PCNX1: variants seen among roughly 807,000 people sequenced by gnomAD.
PCNX1 encodes the protein pecanex-like protein 1.
In PCNX1, 78 loss-of-function variants were observed where a neutral mutation model predicts 242.2. That is an observed-to-expected ratio of 0.32 (90% confidence interval 0.27 to 0.39). The LOEUF (loss-of-function observed/expected upper bound fraction) is 0.39. Among genes scored for constraint, PCNX1 ranks in the 10% least tolerant of loss-of-function variants. The pLI is 1.00. For synonymous variants in PCNX1, 1,024 were observed against 1,032.9 expected, an observed-to-expected ratio of 0.99 and a Z score of 0.17; for missense variants, 2,581 against 2,856.5, an observed-to-expected ratio of 0.90 and a Z score of 2.20.
Position 71,105,330 on chromosome 14 carries a change from C to T in PCNX1, c.6191C>T (p.Thr2064Ile). ...ACTTCCTGCACTGGTAACAATGCAA[C>T]AACTGCCAACAATCCCCACAGCAAC... ...GGTSCTGNNA[T>I]TANNPHSNVT... Residue 2064 changes from threonine (T) to isoleucine (I), a missense_variant, in exon 33 of 36, where the codon ACA becomes ATA. Transcript: ENST00000304743. The T allele has an allele frequency of 1.2e-6, 2 of 1,613,950 alleles. No homozygotes were observed. Among genetic ancestry groups the T allele is most frequent in the East Asian group, 2.2e-5 (1 of 44,878 alleles).
At chr14:71,105,975 A>AT (rs1255586610) in intron 33 of PCNX1, among the ~76,000 whole-genome samples, 1 of 149,804 alleles carries the variant, frequency 6.7e-6, no homozygotes, top group Non-Finnish European at 1.5e-5. Flanking sequence ...ACATTTTAAT[A>AT]TATTAAGGAT....
intron 1 of PCNX1, among the ~76,000 whole-genome samples, chr14:70,941,737 T>C (rs1417460007): frequency 3.9e-5 from 6 of 152,242 alleles, no homozygotes; most frequent in African/African-American, 1.4e-4. Flanking sequence ...AGGTGGATTC[T>C]ACAGAGGCAG....
chr14:70,941,644 A>G (rs146919801), intron 1 of PCNX1, among the ~76,000 whole-genome samples: 1,540 of 152,090 alleles, frequency 0.01, 30 homozygotes, highest in African/African-American at 0.035. Flanking sequence ...GAGAACCACT[A>G]CTCTCTTCAA....
intron 1 of PCNX1, among the ~76,000 whole-genome samples, chr14:70,938,700 A>C (rs548395976): frequency 2.4e-4 from 36 of 152,310 alleles, no homozygotes; most frequent in Non-Finnish European, 4.4e-4. Flanking sequence ...TTTCAGAAGG[A>C]ATGGTACCAG....
chr14:71,081,285 G>A (rs2061848411), intron 28 of PCNX1, among the ~76,000 whole-genome samples: 1 of 152,126 alleles, frequency 6.6e-6, no homozygotes, highest in Non-Finnish European at 1.5e-5. Flanking sequence ...ATCTTATTGA[G>A]GATTTTCTCA....
At chr14:71,064,894 T>G (rs1201591427) in intron 26 of PCNX1, among the ~76,000 whole-genome samples, 1 of 152,208 alleles carries the variant, frequency 6.6e-6, no homozygotes. Flanking sequence ...TCTGTTAGTT[T>G]GCTGAGAATG....
intron 20 of PCNX1, among the ~76,000 whole-genome samples, chr14:71,046,743 A>AT (rs1279380243): frequency 6.6e-6 from 1 of 152,138 alleles, no homozygotes; most frequent in Non-Finnish European, 1.5e-5. Context: ...GGTTTCAAGA[A>AT]TTAAAGTTGG....
intron 5 of PCNX1, among the ~76,000 whole-genome samples, chr14:70,972,822 A>G (rs957794988): frequency 6.6e-6 from 1 of 152,154 alleles, no homozygotes; most frequent in Non-Finnish European, 1.5e-5. Context: ...CAAGATCAGA[A>G]CTTCAGACCG....
rs2062771476 is a variant in PCNX1 at position 71,112,501 on chromosome 14, C to T, written c.*2566C>T. On this transcript the variant is annotated 3_prime_UTR_variant, in exon 36 of 36. Transcript: ENST00000304743. ...AATCATAATACTTTTCTAGTAATTG[C>T]ATCAGGGAATTGGTGATAATTGAAG... 6.6e-6 allele frequency: 1 copy of T among 151,948 alleles called. No individual in the cohort carries two copies. The highest frequency in any genetic ancestry group is 2.4e-5 in the African/African-American group (1 of 41,382). 9.4% of individuals were successfully genotyped at this position (151,948 alleles called of 1,614,324 possible).
intron 26 of PCNX1, among the ~76,000 whole-genome samples, chr14:71,068,365 T>C (rs1330513743): frequency 1.3e-5 from 2 of 150,764 alleles, no homozygotes; most frequent in East Asian, 3.9e-4. Flanking sequence ...TATGTATACA[T>C]ACATGTATAC....
Position 71,067,976 on chromosome 14 carries a change from GA to G in PCNX1, c.4853-5563del, listed in dbSNP as rs201050202. ...TTTCTAATTAGTTGTAGCACATGGA[GA>G]AAAAAGCTAAATTTCTCCAAGCTTT... On this transcript the variant is annotated intron_variant, in intron 26 of 35. Transcript: ENST00000304743. 8.9e-3 allele frequency among the ~76,000 whole-genome samples: 1,349 copies of G among 152,056 alleles called. 8 individuals are homozygous for G. The highest frequency in any genetic ancestry group is 0.017 in the South Asian group (81 of 4,812).
chr14:70,989,609 A>G (rs1378729954), intron 7 of PCNX1, among the ~76,000 whole-genome samples: 1 of 145,778 alleles, frequency 6.9e-6, no homozygotes, highest in Non-Finnish European at 1.5e-5. Flanking sequence ...GGCTCACTGC[A>G]ACCTCCGCCT....
intron 30 of PCNX1, among the ~76,000 whole-genome samples, chr14:71,091,440 T>C (rs10139846): frequency 1.6e-3 from 247 of 152,344 alleles, no homozygotes; most frequent in African/African-American, 5.7e-3. Context: ...CAATTGATTC[T>C]TGAACAACAC....
intron 30 of PCNX1, 139 bp downstream of exon 30, chr14:71,089,481 A>G: frequency 1.6e-6 from 1 of 634,308 alleles, no homozygotes; most frequent in Admixed American, 3.2e-5. Context: ...GGTTTAATTG[A>G]CTCACAGTTC....
At chr14:70,912,825 T>A (rs796330811) in intron 1 of PCNX1, among the ~76,000 whole-genome samples, 5 of 152,358 alleles carry the variant, frequency 3.3e-5, no homozygotes, top group African/African-American at 1.2e-4. Flanking sequence ...CACTGGCCTT[T>A]CTGTTACTTT....
At chr14:70,917,499 T>C (rs1249815877) in intron 1 of PCNX1, among the ~76,000 whole-genome samples, 1 of 152,234 alleles carries the variant, frequency 6.6e-6, no homozygotes. Context: ...CTTGGATAAC[T>C]AGGTACCATG....
chr14:70,924,124 T>C (rs963768570), intron 1 of PCNX1, among the ~76,000 whole-genome samples: 6 of 150,350 alleles, frequency 4.0e-5, no homozygotes, highest in African/African-American at 9.8e-5. Context: ...CCCAGCTACT[T>C]GGGAGGCTGA....
intron 1 of PCNX1, among the ~76,000 whole-genome samples, chr14:70,926,344 C>T (rs61988697): frequency 0.13 from 19,946 of 152,176 alleles, 1,589 homozygotes; most frequent in Admixed American, 0.24. Context: ...CCTGCCGTCT[C>T]ACCTGCTCCT....
Position 70,968,682 on chromosome 14 carries a change from A to G in PCNX1, c.515-339A>G, listed in dbSNP as rs373946734. On this transcript the variant is annotated intron_variant, in intron 4 of 35. Coordinates refer to ENST00000304743, the MANE Select transcript of PCNX1 (RefSeq NM_014982.3). ...TCACCCTATAGTTTTTTAGGTTAAT[A>G]ATTTTCCCTGGGAAGGAAATTCATG... is the stretch of plus-strand genomic sequence containing the variant. 3.6e-3 allele frequency among the ~76,000 whole-genome samples: 551 copies of G among 152,340 alleles called. 1 individual carries two copies. The highest frequency in any genetic ancestry group is 0.013 in the African/African-American group (534 of 41,584).
Sources: allele counts gnomAD v4.1 joint callset (sites outside exome capture counted in the v4.1 genomes callset), GRCh38; gene constraint gnomAD v4.1.1; transcripts MANE v1.5; gene names NCBI Gene and HGNC (gene_info 2026-07-23, HGNC 2026-07-21).